The following PLCXD3 variants were observed in gnomAD, a reference collection of about 807,000 sequenced individuals.
PLCXD3 encodes the protein phosphatidylinositol specific phospholipase C X domain containing 3, also known as PI-PLC X domain-containing protein 3.
PLCXD3 carries 19 observed loss-of-function variants against 25.5 expected under a neutral mutation model. The ratio of observed to expected loss-of-function variants is 0.75; its 90% CI spans 0.52 to 1.09. The LOEUF (loss-of-function observed/expected upper bound fraction) is 1.09, where lower values mean the gene tolerates loss of function less well. Among genes scored for constraint, PLCXD3 ranks in the 50% least tolerant of loss-of-function variants. PLCXD3 has a pLI of 0.00. For synonymous variants in PLCXD3, 174 were observed against 137.6 expected, an observed-to-expected ratio of 1.26 and a Z score of -1.85; for missense variants, 411 against 388.1, an observed-to-expected ratio of 1.06 and a Z score of -0.50.
At chr5:41,506,368 A>G (rs1225433886) in intron 1 of PLCXD3, among the ~76,000 whole-genome samples, 1 of 152,252 alleles carries the variant, frequency 6.6e-6, no homozygotes, top group Non-Finnish European at 1.5e-5. Context: ...TCGCAAAACC[A>G]AAAACAAAAC....
At chr5:41,426,090 T>C (rs967068667) in intron 1 of PLCXD3, among the ~76,000 whole-genome samples, 6 of 152,230 alleles carry the variant, frequency 3.9e-5, no homozygotes, top group African/African-American at 1.2e-4. Flanking sequence ...TGAGAGCTCC[T>C]GTTGCTCCAC....
intron 1 of PLCXD3, among the ~76,000 whole-genome samples, chr5:41,408,808 T>G (rs1746431542): frequency 6.6e-6 from 1 of 152,298 alleles, no homozygotes; most frequent in Non-Finnish European, 1.5e-5. Context: ...TATATATTTC[T>G]ACATTTGTAA....
intron 1 of PLCXD3, among the ~76,000 whole-genome samples, chr5:41,446,176 C>CAAAAAACAAAAAAAAA (rs1747495040): frequency 2.6e-5 from 1 of 38,112 alleles, no homozygotes; most frequent in African/African-American, 7.9e-5. Flanking sequence ...GACTCCTTCT[C>CAAAAAACAAAAAAAAA]AAAAAAAAAA....
chr5:41,380,788 G>T (rs1364066386), intron 2 of PLCXD3, among the ~76,000 whole-genome samples: 1 of 152,102 alleles, frequency 6.6e-6, no homozygotes, highest in Non-Finnish European at 1.5e-5. Flanking sequence ...ATAAGGATTT[G>T]TGTTCTTTCT....
intron 1 of PLCXD3, among the ~76,000 whole-genome samples, chr5:41,472,900 T>C (rs541208315): frequency 6.6e-6 from 1 of 152,010 alleles, no homozygotes; most frequent in Non-Finnish European, 1.5e-5. Context: ...AAGGAACAAT[T>C]TTTTTTTGCT....
chr5:41,394,379 G>C (rs1013416462), intron 1 of PLCXD3, among the ~76,000 whole-genome samples: 2 of 151,890 alleles, frequency 1.3e-5, no homozygotes, highest in Non-Finnish European at 2.9e-5. Flanking sequence ...CTTCACTACA[G>C]GAAGACAGAA....
chr5:41,341,492 C>A (rs1415767632), intron 2 of PLCXD3, among the ~76,000 whole-genome samples: 1 of 152,150 alleles, frequency 6.6e-6, no homozygotes, highest in African/African-American at 2.4e-5. Flanking sequence ...TCAAAGTGCC[C>A]TACAAATTTA....
intron 2 of PLCXD3, among the ~76,000 whole-genome samples, chr5:41,316,873 G>A (rs143309744): frequency 1.8e-3 from 272 of 152,254 alleles, no homozygotes; most frequent in African/African-American, 5.6e-3. Context: ...TAAGGTTTTT[G>A]GCTCTACTCC....
At chr5:41,411,092 C>T (rs919771312) in intron 1 of PLCXD3, among the ~76,000 whole-genome samples, 1 of 152,108 alleles carries the variant, frequency 6.6e-6, no homozygotes, top group Admixed American at 6.5e-5. Context: ...GACAATGACT[C>T]GATTGTGTTT....
chr5:41,385,929 A>T (rs1396238023), intron 1 of PLCXD3, among the ~76,000 whole-genome samples: 4 of 152,070 alleles, frequency 2.6e-5, no homozygotes, highest in Non-Finnish European at 5.9e-5. Context: ...CATGAGTGAG[A>T]TCTTGATTGC....
intron 1 of PLCXD3, among the ~76,000 whole-genome samples, chr5:41,479,417 T>C (rs564639270): frequency 3.9e-4 from 59 of 152,270 alleles, no homozygotes; most frequent in African/African-American, 1.4e-3. Flanking sequence ...AGAGTGGTGA[T>C]GTTTGCATAA....
At chr5:41,430,517 G>A (rs1747070944) in intron 1 of PLCXD3, among the ~76,000 whole-genome samples, 1 of 152,114 alleles carries the variant, frequency 6.6e-6, no homozygotes, top group African/African-American at 2.4e-5. Context: ...TAATGAGGCC[G>A]AGAATATTTA....
At chr5:41,454,095 A>T (rs2150515097) in intron 1 of PLCXD3, among the ~76,000 whole-genome samples, 1 of 152,100 alleles carries the variant, frequency 6.6e-6, no homozygotes, top group Non-Finnish European at 1.5e-5. Context: ...ATAGATCACA[A>T]TGTATACTGA....
intron 2 of PLCXD3, among the ~76,000 whole-genome samples, chr5:41,361,942 G>T (rs932097052): frequency 6.6e-6 from 1 of 152,080 alleles, no homozygotes; most frequent in Non-Finnish European, 1.5e-5. Flanking sequence ...TGGCTCTTTG[G>T]GCAGGCCACC....
chr5:41,417,981 T>A (rs944321848), intron 1 of PLCXD3, among the ~76,000 whole-genome samples: 1 of 152,218 alleles, frequency 6.6e-6, no homozygotes, highest in African/African-American at 2.4e-5. Flanking sequence ...TATATGTTAG[T>A]TTTAAGAATT....
intron 2 of PLCXD3, among the ~76,000 whole-genome samples, chr5:41,359,882 T>A (rs567587309): frequency 6.6e-6 from 1 of 152,298 alleles, no homozygotes; most frequent in South Asian, 2.1e-4. Context: ...TTTCTAGATC[T>A]CTAGCAAAAC....
chr5:41,347,776 T>G (rs1253960635), intron 2 of PLCXD3, among the ~76,000 whole-genome samples: 1 of 152,214 alleles, frequency 6.6e-6, no homozygotes, highest in Non-Finnish European at 1.5e-5. Context: ...GAGGCGCTAT[T>G]ATTCAAAGAA....
At chr5:41,336,684 T>A (rs1028887151) in intron 2 of PLCXD3, among the ~76,000 whole-genome samples, 4 of 152,082 alleles carry the variant, frequency 2.6e-5, no homozygotes, top group Non-Finnish European at 4.4e-5. Flanking sequence ...GCCACCTCAC[T>A]CAATGCCACA....
chr5:41,341,901 T>C (rs1160907576), intron 2 of PLCXD3, among the ~76,000 whole-genome samples: 1 of 152,140 alleles, frequency 6.6e-6, no homozygotes, highest in Non-Finnish European at 1.5e-5. Context: ...AAGGAGCACA[T>C]TCTTAGCCAT....
Sources: allele counts gnomAD v4.1 joint callset (sites outside exome capture counted in the v4.1 genomes callset), GRCh38; gene constraint gnomAD v4.1.1; transcripts MANE v1.5; gene names NCBI Gene and HGNC (gene_info 2026-07-23, HGNC 2026-07-21).